WNK2: variants seen among roughly 807,000 people sequenced by gnomAD.
The protein encoded by WNK2 is serine/threonine-protein kinase WNK2.
WNK2 carries 67 observed loss-of-function variants against 192.1 expected under a neutral mutation model. That is an observed-to-expected ratio of 0.35 (90% CI 0.29 to 0.43). The LOEUF (loss-of-function observed/expected upper bound fraction) is 0.43. WNK2 is among the 20% of genes least tolerant of loss of function. The pLI is 1.00. For missense variants in WNK2, 2,698 were observed against 3,089.7 expected (o/e 0.87, Z 3.01); for synonymous variants, 1,439 against 1,393.9 (o/e 1.03, Z -0.72).
chr9:93,203,776 T>C (rs182209223), intron 2 of WNK2, among the ~76,000 whole-genome samples: 2 of 152,206 alleles, frequency 1.3e-5, no homozygotes, highest in East Asian at 3.9e-4. Context: ...GAACGAGGCA[T>C]CTCGAACTGT....
intron 29 of WNK2, chr9:93,318,632 G>C: frequency 1.3e-6 from 2 of 1,575,326 alleles, no homozygotes; most frequent in Non-Finnish European, 1.7e-6. Context: ...AGCTCCTCCA[G>C]CTGGAGAGGC....
intron 2 of WNK2, among the ~76,000 whole-genome samples, chr9:93,210,241 C>A (rs1206214033): frequency 7.3e-6 from 1 of 136,430 alleles, no homozygotes. Context: ...TTGGGGAGGA[C>A]AGTGGGGTGT....
At chr9:93,243,638 G>A (rs148426008) in intron 7 of WNK2, among the ~76,000 whole-genome samples, 99 of 152,344 alleles carry the variant, frequency 6.5e-4, no homozygotes, top group African/African-American at 2.3e-3. Flanking sequence ...CCTGGCAGCA[G>A]CTGGAAGCAA....
At chr9:93,233,900 G>A (rs1469559830) in intron 4 of WNK2, among the ~76,000 whole-genome samples, 1 of 152,138 alleles carries the variant, frequency 6.6e-6, no homozygotes, top group Non-Finnish European at 1.5e-5. Context: ...TGCATTCAGC[G>A]CGACAGACAT....
intron 26 of WNK2, among the ~76,000 whole-genome samples, chr9:93,302,834 C>G (rs925116356): frequency 6.6e-6 from 1 of 152,166 alleles, no homozygotes; most frequent in Non-Finnish European, 1.5e-5. Context: ...GGCCCCTTGG[C>G]ATAGACTTCT....
chr9:93,187,632 T>G (rs2130889997), intron 2 of WNK2, among the ~76,000 whole-genome samples: 1 of 152,236 alleles, frequency 6.6e-6, no homozygotes, highest in East Asian at 1.9e-4. Flanking sequence ...CATCACAAAC[T>G]GTGAGGACTG....
chr9:93,281,740 GCAC>G (rs1248623246), intron 19 of WNK2, among the ~76,000 whole-genome samples: 1 of 152,054 alleles, frequency 6.6e-6, no homozygotes, highest in Non-Finnish European at 1.5e-5. Flanking sequence ...AAAATCAAAG[GCAC>G]ATGGGAAAAT....
rs529647387 is a variant in WNK2, at chr9:93,255,630, G to A, written c.2035-669G>A. ...GTTCATGGCAGGGTGGAAGAGCCATGATCCTCTGTAGCCCTGCCTGCTCCT... is the reference window on the plus strand; with the variant it reads ...GTTCATGGCAGGGTGGAAGAGCCATAATCCTCTGTAGCCCTGCCTGCTCCT... On this transcript the variant is annotated intron_variant, in intron 9 of 29. Transcript: ENST00000427277. Among the ~76,000 whole-genome samples, 5 of 152,264 alleles carry A rather than the reference G, an allele frequency of 3.3e-5. No individual in the cohort carries two copies. The East Asian group carries it at 9.6e-4, about 29-fold the overall frequency.
At chr9:93,289,751 A>G (rs900763163) in intron 20 of WNK2, 131 bp downstream of exon 20, 7 of 1,020,136 alleles carry the variant, frequency 6.9e-6, no homozygotes, top group Non-Finnish European at 9.7e-6. Flanking sequence ...TCTCTTGGTG[A>G]CCCACCCACG....
At chr9:93,187,033 G>C (rs1829467265) in intron 2 of WNK2, among the ~76,000 whole-genome samples, 1 of 152,180 alleles carries the variant, frequency 6.6e-6, no homozygotes, top group Admixed American at 6.5e-5. Context: ...CCTGAAAGGG[G>C]AGACGACTCT....
chr9:93,273,029 G>T (rs533217860), intron 19 of WNK2, among the ~76,000 whole-genome samples: 4 of 152,282 alleles, frequency 2.6e-5, no homozygotes, highest in Middle Eastern at 6.8e-3. Context: ...AAAAGAAAAA[G>T]GATGGTGAAA....
At chr9:93,272,555 A>G (rs555827399) in intron 19 of WNK2, among the ~76,000 whole-genome samples, 1 of 152,128 alleles carries the variant, frequency 6.6e-6, no homozygotes, top group Non-Finnish European at 1.5e-5. Context: ...CCTGACCAAC[A>G]TGGAGAAACC....
intron 2 of WNK2, among the ~76,000 whole-genome samples, chr9:93,206,154 G>A (rs1454292431): frequency 1.3e-5 from 2 of 152,236 alleles, no homozygotes; most frequent in Non-Finnish European, 2.9e-5. Context: ...GATGTCTCCT[G>A]TCCTCCCTGC....
intron 11 of WNK2, 87 bp from the exon 12 acceptor site, chr9:93,258,844 A>G: frequency 1.6e-6 from 2 of 1,227,084 alleles, no homozygotes; most frequent in Non-Finnish European, 2.3e-6. Context: ...CCTCGTCCCC[A>G]ATGACTGTGG....
intron 2 of WNK2, among the ~76,000 whole-genome samples, chr9:93,206,929 C>A (rs1563985382): frequency 6.6e-6 from 1 of 152,138 alleles, no homozygotes; most frequent in African/African-American, 2.4e-5. Context: ...CTGGCTCTGC[C>A]ACCCCCTGGG....
chr9:93,316,006 G>A (rs944181931), intron 28 of WNK2: 1 of 152,038 alleles, frequency 6.6e-6, no homozygotes, highest in Non-Finnish European at 1.5e-5. Flanking sequence ...AGGTAAATCT[G>A]TTTTTTTCCT....
At chr9:93,300,335 T>G in intron 26 of WNK2, 186 bp downstream of exon 26, 1 of 529,888 alleles carries the variant, frequency 1.9e-6, no homozygotes, top group Non-Finnish European at 3.4e-6. Flanking sequence ...CGCCAGCGCC[T>G]ACCCCCAAGC....
intron 2 of WNK2, among the ~76,000 whole-genome samples, chr9:93,200,396 C>T (rs936662940): frequency 2.6e-5 from 4 of 152,168 alleles, no homozygotes; most frequent in Non-Finnish European, 5.9e-5. Context: ...GAGGAGGGCA[C>T]GTTCTGCATG....
At chr9:93,211,213 A>C (rs62646612) in intron 2 of WNK2, among the ~76,000 whole-genome samples, 290 of 2,326 alleles carry the variant, frequency 0.12, 4 homozygotes, top group Middle Eastern at 0.3. Flanking sequence ...TACTCATTCA[A>C]TCACTCATCC....
Sources: allele counts gnomAD v4.1 joint callset (sites outside exome capture counted in the v4.1 genomes callset), GRCh38; gene constraint gnomAD v4.1.1; transcripts MANE v1.5; gene names NCBI Gene and HGNC (gene_info 2026-07-23, HGNC 2026-07-21).